Variants in ACAD11 observed in about 807,000 individuals in gnomAD.
The protein encoded by ACAD11 is acyl-Coenzyme A dehydrogenase family, member 11.
In ACAD11, 83 loss-of-function variants were observed where a neutral mutation model predicts 102.2. That is an observed-to-expected ratio of 0.81 (90% confidence interval 0.68 to 0.97). The LOEUF (loss-of-function observed/expected upper bound fraction) is 0.97. Among genes scored for constraint, ACAD11 ranks in the 50% least tolerant of loss-of-function variants. The pLI is 0.00. For synonymous variants in ACAD11, 324 were observed against 319.8 expected (o/e 1.01, Z -0.14); for missense variants, 901 against 951.7 (o/e 0.95, Z 0.70).
chr3:132,620,571 TATAA>T (rs1390543852), intron 9 of ACAD11, among the ~76,000 whole-genome samples: 9 of 152,330 alleles, frequency 5.9e-5, no homozygotes, highest in Admixed American at 1.3e-4. Context: ...TCCCAAAGAC[TATAA>T]ATAGAGTAAT....
intron 13 of ACAD11, chr3:132,600,348 A>G: frequency 6.8e-7 from 1 of 1,468,776 alleles, no homozygotes; most frequent in African/African-American, 1.4e-5. Flanking sequence ...TTTTAAGCAT[A>G]TTTAGACAAA....
chr3:132,647,514 C>CT (rs1199673203), intron 1 of ACAD11: 1 of 152,214 alleles, frequency 6.6e-6, no homozygotes, highest in Non-Finnish European at 1.5e-5. Flanking sequence ...CGAGACCCTA[C>CT]TAAGCCATCC....
In ACAD11 at chr3:132,579,477, G is replaced by C; in HGVS notation, c.1688+15C>G. 6.2e-7 allele frequency: 1 copy of C among 1,606,008 alleles called. No homozygotes were observed. Among genetic ancestry groups the C allele is most frequent in the Non-Finnish European group, 8.5e-7 (1 of 1,173,924 alleles). On this transcript the variant is annotated intron_variant, in intron 14 of 19. Transcript: ENST00000264990. ...CATTCCTACACAGGTTTCTCAATCA[G>C]AATTGTTTAATTACCTGGAGAGAGA...
intron 12 of ACAD11, among the ~76,000 whole-genome samples, chr3:132,603,603 G>C (rs954165474): frequency 1.3e-5 from 2 of 152,136 alleles, no homozygotes; most frequent in Non-Finnish European, 2.9e-5. Context: ...ATACAACCCA[G>C]TCCTTTCTCC....
intron 13 of ACAD11, among the ~76,000 whole-genome samples, chr3:132,597,051 T>C (rs1256420931): frequency 6.6e-6 from 1 of 152,164 alleles, no homozygotes; most frequent in South Asian, 2.1e-4. Context: ...TTGTCCCCTT[T>C]GACTAAGTGG....
chr3:132,611,770 A>T (rs1300399073), intron 11 of ACAD11, among the ~76,000 whole-genome samples: 1 of 152,072 alleles, frequency 6.6e-6, no homozygotes, highest in African/African-American at 2.4e-5. Flanking sequence ...GGGTAGGAAG[A>T]ATCAATATAG....
Position 132,558,978 on chromosome 3 carries a change from T to C in ACAD11, c.2336A>G (p.Lys779Arg), listed in dbSNP as rs753274601. Residue 779 changes from lysine (K) to arginine (R), a missense_variant, in exon 20 of 20, where the codon AAG becomes AGG. By Grantham distance (26) the Lys-to-Arg change is conservative (BLOSUM62 2). Coordinates refer to ENST00000264990, the MANE Select transcript of ACAD11 (RefSeq NM_032169.5). ...LRDQAKRLTA[K>R]I ...GTGGCAGTGCCACCCTCCTTATATC[T>C]TGGCTGTCAGTCTTTTGGCTTGGTC... 1 of 1,612,500 alleles carries C rather than the reference T, an allele frequency of 6.2e-7. No homozygotes were observed. The highest frequency in any genetic ancestry group is 8.5e-7 in the Non-Finnish European group (1 of 1,178,810).
intron 17 of ACAD11, among the ~76,000 whole-genome samples, chr3:132,562,721 C>A (rs994416184): frequency 1.3e-5 from 2 of 152,146 alleles, no homozygotes; most frequent in East Asian, 1.9e-4. Context: ...CATCTCTATA[C>A]CTCTTTGGTG....
intron 11 of ACAD11, chr3:132,618,179 G>C (rs190790508): frequency 6.5e-6 from 1 of 153,970 alleles, no homozygotes; most frequent in East Asian, 1.9e-4. Flanking sequence ...GCATCTTTGC[G>C]TATTTTATTC....
chr3:132,565,176 T>C (rs977929575), intron 17 of ACAD11, among the ~76,000 whole-genome samples: 6 of 152,144 alleles, frequency 3.9e-5, no homozygotes, highest in Admixed American at 2.6e-4. Context: ...ATGGGGAGCG[T>C]AGGCTTCCAC....
intron 13 of ACAD11, among the ~76,000 whole-genome samples, chr3:132,584,963 A>G (rs1937738409): frequency 6.6e-6 from 1 of 152,186 alleles, no homozygotes; most frequent in Admixed American, 6.5e-5. Flanking sequence ...CAAGCTACCA[A>G]TGACTTTCTT....
At chr3:132,642,941 A>C in intron 2 of ACAD11, 139 bp from the exon 3 acceptor site, 1 of 771,106 alleles carries the variant, frequency 1.3e-6, no homozygotes, top group Non-Finnish European at 2.1e-6. Context: ...GGATAATAGT[A>C]ATAACTTCCC....
chr3:132,582,236 T>A (rs116535314), intron 13 of ACAD11, among the ~76,000 whole-genome samples: 4,136 of 151,820 alleles, frequency 0.027, 166 homozygotes, highest in African/African-American at 0.093. Flanking sequence ...TTATTCAAAT[T>A]GGAGAGCCAA....
chr3:132,591,564 C>T (rs768151292), intron 13 of ACAD11, among the ~76,000 whole-genome samples: 2 of 151,946 alleles, frequency 1.3e-5, no homozygotes, highest in Non-Finnish European at 2.9e-5. Context: ...TAATATTTCC[C>T]AATATTACTT....
In ACAD11 at chr3:132,618,791, T is replaced by C. The variant is rs996074449; in HGVS notation, c.1276-19A>G. The C allele has an allele frequency of 2.6e-6, 4 of 1,540,844 alleles. No homozygotes were observed. The highest frequency in any genetic ancestry group is 2.2e-5 in the Admixed American group (1 of 44,662). On this transcript the variant is annotated intron_variant, in intron 10 of 19. Coordinates refer to ENST00000264990, the MANE Select transcript of ACAD11 (RefSeq NM_032169.5). ...CCATTTCCTGTCAAGGTGATGAACA[T>C]GCCAGAGTGACCATAATTTACCAGG...
chr3:132,635,020 G>A (rs1009567502), intron 5 of ACAD11, among the ~76,000 whole-genome samples: 8 of 150,844 alleles, frequency 5.3e-5, no homozygotes, highest in Admixed American at 4.0e-4. Context: ...AAACCTGCAC[G>A]CTGTGCACAT....
intron 2 of ACAD11, 109 bp from the exon 3 acceptor site, chr3:132,642,911 G>C: frequency 6.4e-6 from 7 of 1,097,522 alleles, no homozygotes. Context: ...CTGTAAAACA[G>C]TATCAACACA....
At chr3:132,636,786 G>A (rs992457147) in intron 5 of ACAD11, among the ~76,000 whole-genome samples, 1 of 152,094 alleles carries the variant, frequency 6.6e-6, no homozygotes, top group African/African-American at 2.4e-5. Context: ...TGTAGCGGAC[G>A]AAAATGTCTT....
intron 4 of ACAD11, 90 bp from the exon 5 acceptor site, chr3:132,639,746 T>C (rs1299694068): frequency 8.0e-7 from 1 of 1,242,930 alleles, no homozygotes; most frequent in Non-Finnish European, 1.1e-6. Flanking sequence ...TCAAATGCTG[T>C]TTTACTCCTA....
Sources: gnomAD v4.1 joint callset for allele counts (sites outside exome capture counted in the v4.1 genomes callset) on GRCh38, gnomAD v4.1.1 for gene constraint, MANE v1.5 for transcripts, NCBI Gene and HGNC (gene_info 2026-07-23, HGNC 2026-07-21) for gene names.